LMAN1: variants seen among roughly 807,000 people sequenced by gnomAD.
The protein encoded by LMAN1 is protein ERGIC-53.
A neutral mutation model predicts 67.8 loss-of-function variants in LMAN1; 32 were observed. That is an observed-to-expected ratio of 0.47 (90% CI 0.36 to 0.63). LMAN1 has a LOEUF of 0.63. Among genes scored for constraint, LMAN1 ranks in the 30% least tolerant of loss-of-function variants. LMAN1 has a pLI of 0.00. For missense variants in LMAN1, 632 were observed against 628.2 expected (o/e 1.01, Z -0.06); for synonymous variants, 235 against 219.3 (o/e 1.07, Z -0.63).
Position 59,327,923 on chromosome 18 carries a change from C to T in LMAN1, c.*3170G>A, listed in dbSNP as rs1041932178. 1 of 152,040 alleles carries T rather than the reference C, an allele frequency of 6.6e-6. No individual in the cohort carries two copies. The highest frequency in any genetic ancestry group is 2.4e-5 in the African/African-American group (1 of 41,396). 9.4% of individuals were successfully genotyped at this position (152,040 alleles called of 1,614,324 possible). Reference sequence around the variant, plus strand: ...AAAAAAAAACTTGACAAAATGTTATCCAATTGAAATTGACAGTGGATAGAA... The same window carrying T: ...AAAAAAAAACTTGACAAAATGTTATTCAATTGAAATTGACAGTGGATAGAA... On this transcript the variant is annotated 3_prime_UTR_variant, in exon 13 of 13. Coordinates refer to ENST00000251047, the MANE Select transcript of LMAN1 (RefSeq NM_005570.4).
intron 5 of LMAN1, among the ~76,000 whole-genome samples, chr18:59,349,866 T>C (rs751245789): frequency 6.6e-6 from 1 of 152,238 alleles, no homozygotes; most frequent in African/African-American, 2.4e-5. Context: ...GGAATCCACC[T>C]GACACATGAA....
chr18:59,341,946 A>G (rs1908297371), intron 8 of LMAN1, among the ~76,000 whole-genome samples: 1 of 152,158 alleles, frequency 6.6e-6, no homozygotes, highest in African/African-American at 2.4e-5. Context: ...TAGACTAGGC[A>G]AGAAAAGAAG....
chr18:59,353,117 G>A, intron 5 of LMAN1, 85 bp downstream of exon 5: 1 of 1,157,874 alleles, frequency 8.6e-7, no homozygotes, highest in Middle Eastern at 2.1e-4. Context: ...AAATTTAAGT[G>A]CATTTAATTT....
intron 11 of LMAN1, among the ~76,000 whole-genome samples, chr18:59,331,997 A>T (rs2070750480): frequency 6.6e-6 from 1 of 152,182 alleles, no homozygotes; most frequent in South Asian, 2.1e-4. Context: ...CTCAGTCCTC[A>T]TTCTCTACAA....
chr18:59,345,831 T>C, intron 8 of LMAN1, 88 bp downstream of exon 8: 1 of 1,457,110 alleles, frequency 6.9e-7, no homozygotes, highest in Non-Finnish European at 9.5e-7. Flanking sequence ...AGAGCAGGGA[T>C]GAGCTAGGCA....
chr18:59,341,801 A>C (rs576581883), intron 8 of LMAN1, among the ~76,000 whole-genome samples: 2 of 152,244 alleles, frequency 1.3e-5, no homozygotes, highest in East Asian at 3.9e-4. Context: ...AACCAAACCC[A>C]AAGTTAGCAA....
Position 59,338,934 on chromosome 18 carries a change from A to G in LMAN1, c.975T>C (p.Ser325=), listed in dbSNP as rs777023179. ...CTTGTCTTAGCTCTCGATCTCCTACACTCTCAAATATTTCCTCCGCTGAAA... is the reference window on the plus strand; with the variant it reads ...CTTGTCTTAGCTCTCGATCTCCTACGCTCTCAAATATTTCCTCCGCTGAAA... The part of the protein sequence containing the change: ...QGQPAEEIFE[S]VGDRELRQVF... The change falls in exon 9 of 13, where the codon AGT becomes AGC. Residue 325 remains serine, a synonymous_variant. Coordinates refer to ENST00000251047, the MANE Select transcript of LMAN1 (RefSeq NM_005570.4). The G allele has an allele frequency of 5.6e-6, 9 of 1,612,240 alleles. No individual in the cohort carries two copies. The East Asian group carries it at 1.6e-4, about 28-fold the overall frequency.
intron 1 of LMAN1, among the ~76,000 whole-genome samples, chr18:59,358,279 A>C (rs1489660496): frequency 1.3e-5 from 2 of 152,230 alleles, no homozygotes; most frequent in African/African-American, 4.8e-5. Flanking sequence ...CAATTTTTTT[A>C]AAGGGCTAAA....
intron 7 of LMAN1, among the ~76,000 whole-genome samples, chr18:59,347,121 C>T (rs1343019917): frequency 6.6e-6 from 1 of 151,726 alleles, no homozygotes; most frequent in Non-Finnish European, 1.5e-5. Flanking sequence ...GTCCCAGCTA[C>T]TCAGGAGGCT....
At chr18:59,351,293 G>C (rs944056805) in intron 5 of LMAN1, 3 of 152,126 alleles carry the variant, frequency 2.0e-5, no homozygotes, top group African/African-American at 7.2e-5. Context: ...AATACTCTAA[G>C]AGTTTAGGAG....
In LMAN1 at chr18:59,337,788, T is replaced by C. The variant is rs188907330; in HGVS notation, c.1220+769A>G. ...AATTTGCAGTTATAAGTTAAGTGCC[T>C]TTAATCTCTAGACATCAGGTATAAT... On this transcript the variant is annotated intron_variant, in intron 10 of 12. Coordinates refer to ENST00000251047, the MANE Select transcript of LMAN1 (RefSeq NM_005570.4). 1.3e-3 allele frequency among the ~76,000 whole-genome samples: 201 copies of C among 152,360 alleles called. 2 individuals are homozygous for C. Among genetic ancestry groups the C allele is most frequent in the Admixed American group, 0.013 (194 of 15,302 alleles).
Position 59,348,530 on chromosome 18 carries a change from T to A in LMAN1, c.763+583A>T, listed in dbSNP as rs140296554. 9.2e-5 allele frequency among the ~76,000 whole-genome samples: 14 copies of A among 152,344 alleles called. No individual in the cohort carries two copies. In the East Asian group the frequency reaches 2.5e-3, roughly 27 times the overall value. On this transcript the variant is annotated intron_variant, in intron 6 of 12. Coordinates refer to ENST00000251047, the MANE Select transcript of LMAN1 (RefSeq NM_005570.4). ...TTCTTCTCTGGGTTGTCAGGAACAA[T>A]CCATGTATTTGAAAATATTTAAAAC...
At position 59,345,935 on chromosome 18, in the gene LMAN1, G is replaced by A. The variant is rs779941645; in HGVS notation, c.939C>T (p.Asp313=). 1.9e-6 allele frequency: 3 copies of A among 1,613,994 alleles called. No individual in the cohort carries two copies. Among genetic ancestry groups the A allele is most frequent in the South Asian group, 1.1e-5 (1 of 91,064 alleles). Residue 313 remains aspartate (D), a synonymous_variant, in exon 8 of 13, where the codon GAC becomes GAT. Transcript: ENST00000251047. The stretch of plus-strand genomic sequence containing the variant: ...ACAACTCACCAGGCTGCCCTTGGAG[G>A]TCGGGGTGGCCCTTCTGGAATTCCT... ...KKEEFQKGHP[D]LQGQPAEEIF...
At chr18:59,352,115 A>G (rs1421068353) in intron 5 of LMAN1, among the ~76,000 whole-genome samples, 3 of 152,170 alleles carry the variant, frequency 2.0e-5, no homozygotes, top group Non-Finnish European at 4.4e-5. Context: ...ATGCATAGTG[A>G]TCTTAGTTAT....
At chr18:59,346,236 T>TA (rs1555672075) in intron 7 of LMAN1, among the ~76,000 whole-genome samples, 185 bp from the exon 8 acceptor site, 4,190 of 102,580 alleles carry the variant, frequency 0.041, 181 homozygotes, top group Non-Finnish European at 0.061. Context: ...TTTTTTTTTT[T>TA]AGAGACAAGA....
rs547944681 is a variant in LMAN1 at position 59,355,303 on chromosome 18, A to G, written c.477+10T>C. 7.3e-5 allele frequency: 116 copies of G among 1,592,814 alleles called. 1 individual carries two copies. The South Asian group carries it at 1.2e-3, about 17-fold the overall frequency. On this transcript the variant is annotated intron_variant, in intron 3 of 12. Coordinates refer to ENST00000251047, the MANE Select transcript of LMAN1 (RefSeq NM_005570.4). ...ATTAAAGTGGATAACAGTCCTGACA[A>G]TAAATATACCTTTCCATCATTGTCA... is the stretch of plus-strand genomic sequence containing the variant.
chr18:59,354,763 T>C (rs1908621716), intron 3 of LMAN1, among the ~76,000 whole-genome samples, 183 bp from the exon 4 acceptor site: 1 of 152,160 alleles, frequency 6.6e-6, no homozygotes, highest in African/African-American at 2.4e-5. Flanking sequence ...CCCTGAAAAT[T>C]AATAGAGAAA....
Position 59,359,054 on chromosome 18 carries a change from A to C in LMAN1, c.191T>G (p.Val64Gly), listed in dbSNP as rs1908733921. ...GPHLVQSDGT[V>G]PFWAHAGNAI... is the part of the protein sequence containing the mutation. ...ACTCCCCGCGTGGGCCCAGAAGGGCACGGTCCCGTCGCTCTGCACCAGGTG... is the reference window on the plus strand; with the variant it reads ...ACTCCCCGCGTGGGCCCAGAAGGGCCCGGTCCCGTCGCTCTGCACCAGGTG... Residue 64 changes from valine to glycine, a missense_variant, in exon 1 of 13, where the codon GTG becomes GGG. Coordinates refer to ENST00000251047, the MANE Select transcript of LMAN1 (RefSeq NM_005570.4). 2 of 1,613,872 alleles carry C rather than the reference A, an allele frequency of 1.2e-6. No homozygotes were observed.
At chr18:59,352,901 ATCCG>A in intron 5 of LMAN1, 1 of 359,862 alleles carries the variant, frequency 2.8e-6, no homozygotes. Context: ...CTTGGAGATT[ATCCG>A]TCTATCTATC....
Sources: allele counts gnomAD v4.1 joint callset (sites outside exome capture counted in the v4.1 genomes callset), GRCh38; gene constraint gnomAD v4.1.1; transcripts MANE v1.5; gene names NCBI Gene and HGNC (gene_info 2026-07-23, HGNC 2026-07-21).